Variants in SMOC1 observed in about 807,000 individuals in gnomAD.
SMOC1 encodes the protein SPARC related modular calcium binding 1, also known as SPARC-related modular calcium-binding protein 1.
In SMOC1, 22 loss-of-function variants were observed where a neutral mutation model predicts 56.3. The observed-to-expected ratio is 0.39, with a 90% CI of 0.28 to 0.56. The LOEUF is 0.56. SMOC1 is among the 20% of genes least tolerant of loss of function. The probability of loss-of-function intolerance (pLI) is 0.61; values close to 1 mark genes in which losing one functional copy is unlikely to be tolerated. For synonymous variants in SMOC1, 193 were observed against 215.0 expected, an observed-to-expected ratio of 0.90 and a Z score of 0.89; for missense variants, 509 against 565.4, an observed-to-expected ratio of 0.90 and a Z score of 1.01.
intron 1 of SMOC1, among the ~76,000 whole-genome samples, chr14:69,916,680 T>C (rs542895833): frequency 1.3e-5 from 2 of 152,356 alleles, no homozygotes; most frequent in East Asian, 3.9e-4. Context: ...ACTGCATGGC[T>C]CACTTGTTTA....
Position 69,949,673 on chromosome 14 carries a change from T to G in SMOC1, c.100-2465T>G, listed in dbSNP as rs114335690. Reference sequence around the variant, plus strand: ...GGGAATGGAGAAGGAACAGCGTGCCTGAAGGCCTGGAAGTAGCAGCAGAGG... The same window carrying G: ...GGGAATGGAGAAGGAACAGCGTGCCGGAAGGCCTGGAAGTAGCAGCAGAGG... On this transcript the variant is annotated intron_variant, in intron 1 of 11. Transcript: ENST00000361956. 6.8e-3 allele frequency among the ~76,000 whole-genome samples: 1,032 copies of G among 152,276 alleles called. 18 individuals are homozygous for G. The highest frequency in any genetic ancestry group is 0.023 in the African/African-American group (956 of 41,548).
intron 1 of SMOC1, among the ~76,000 whole-genome samples, chr14:69,928,315 A>G (rs1885070914): frequency 6.6e-6 from 1 of 152,132 alleles, no homozygotes; most frequent in Admixed American, 6.5e-5. Context: ...ATTTATTTCG[A>G]GATTTTCCTT....
chr14:69,967,613 A>G (rs1883619396), intron 3 of SMOC1, among the ~76,000 whole-genome samples: 1 of 152,230 alleles, frequency 6.6e-6, no homozygotes, highest in Non-Finnish European at 1.5e-5. Context: ...AAAGGATAAA[A>G]TCAGCATGTG....
chr14:69,922,440 T>A lies in SMOC1; in HGVS notation c.100-29698T>A, dbSNP rs754768403. On this transcript the variant is annotated intron_variant, in intron 1 of 11. Transcript: ENST00000361956. ...GGCCCAAGGCTAGCTGAACTCTTTC[T>A]GCTACAAGAACTGGCTTTCCTGGGG... is the stretch of plus-strand genomic sequence containing the variant. Among the ~76,000 whole-genome samples, 17 of 152,330 alleles carry A rather than the reference T, an allele frequency of 1.1e-4. No homozygotes were observed. The South Asian group carries it at 2.9e-3, about 26-fold the overall frequency.
Position 69,954,002 on chromosome 14 carries a change from G to GGAGTGTGTGAGTGTGT in SMOC1, c.378+472_378+487dup, listed in dbSNP as rs5809450. ...GAGCACAAAGTGTACTATGGTTCTT[G>GGAGTGTGTGAGTGTGT]GAGTGTGTGAGTGTGTGTGTGTGTA... On this transcript the variant is annotated intron_variant, in intron 3 of 11. Transcript: ENST00000361956. 1.1e-4 allele frequency among the ~76,000 whole-genome samples: 16 copies of GGAGTGTGTGAGTGTGT among 150,944 alleles called. No homozygotes were observed. The South Asian group carries it at 3.4e-3, about 32-fold the overall frequency.
chr14:69,906,781 A>G (rs1341372128), intron 1 of SMOC1, among the ~76,000 whole-genome samples: 1 of 152,194 alleles, frequency 6.6e-6, no homozygotes, highest in Non-Finnish European at 1.5e-5. Flanking sequence ...GCCATTAGTG[A>G]CTTCAATAGG....
At chr14:70,001,032 C>T (rs1372878805) in intron 7 of SMOC1, among the ~76,000 whole-genome samples, 1 of 152,088 alleles carries the variant, frequency 6.6e-6, no homozygotes, top group East Asian at 1.9e-4. Flanking sequence ...GTATGAGGTA[C>T]GAGGGAGAAC....
At chr14:69,908,048 G>T (rs1406233439) in intron 1 of SMOC1, among the ~76,000 whole-genome samples, 2 of 152,174 alleles carry the variant, frequency 1.3e-5, no homozygotes, top group African/African-American at 4.8e-5. Flanking sequence ...ACAGCAATAG[G>T]TGAATCAACT....
intron 1 of SMOC1, among the ~76,000 whole-genome samples, chr14:69,921,741 C>G (rs1167476421): frequency 6.6e-6 from 1 of 152,214 alleles, no homozygotes; most frequent in East Asian, 1.9e-4. Flanking sequence ...TTCACTGCAT[C>G]GTTCAGCTGG....
intron 10 of SMOC1, among the ~76,000 whole-genome samples, chr14:70,019,269 C>A (rs1419579408): frequency 6.6e-6 from 1 of 152,218 alleles, no homozygotes; most frequent in Non-Finnish European, 1.5e-5. Context: ...AGAGGTAGGG[C>A]AGACACCAAC....
At chr14:69,914,953 G>A (rs61980628) in intron 1 of SMOC1, among the ~76,000 whole-genome samples, 13,541 of 151,880 alleles carry the variant, frequency 0.089, 680 homozygotes, top group Non-Finnish European at 0.12. Flanking sequence ...TGCAACCTCC[G>A]CCTCCTGGGT....
intron 1 of SMOC1, among the ~76,000 whole-genome samples, chr14:69,910,673 T>C (rs965434747): frequency 6.6e-6 from 1 of 152,012 alleles, no homozygotes. Context: ...TAAACTGGGC[T>C]CAGCAGCTGC....
intron 3 of SMOC1, among the ~76,000 whole-genome samples, chr14:69,958,657 G>A (rs749873724): frequency 2.3e-4 from 35 of 152,260 alleles, no homozygotes; most frequent in Non-Finnish European, 4.0e-4. Context: ...GTCTTCAATC[G>A]TGTCCACATT....
At chr14:69,925,339 C>T (rs1257689143) in intron 1 of SMOC1, among the ~76,000 whole-genome samples, 2 of 151,660 alleles carry the variant, frequency 1.3e-5, no homozygotes, top group African/African-American at 4.9e-5. Flanking sequence ...CATCTTTTTT[C>T]CTTTAGTAGA....
chr14:69,975,866 G>A, intron 4 of SMOC1, 52 bp downstream of exon 4: 1 of 1,356,990 alleles, frequency 7.4e-7, no homozygotes, highest in Non-Finnish European at 1.0e-6. Flanking sequence ...GAGACCCGTT[G>A]GTTGGTCTCC....
chr14:69,891,562 C>T (rs116004036), intron 1 of SMOC1, among the ~76,000 whole-genome samples: 2,039 of 152,198 alleles, frequency 0.013, 34 homozygotes, highest in African/African-American at 0.047. Context: ...CCTCCCTACC[C>T]CCTGAACTGC....
intron 3 of SMOC1, among the ~76,000 whole-genome samples, chr14:69,973,607 AG>A (rs1456185499): frequency 3.3e-5 from 5 of 152,342 alleles, no homozygotes; most frequent in Admixed American, 2.6e-4. Flanking sequence ...AGACCCGAGC[AG>A]GGTCTCAGAT....
chr14:69,930,786 G>T (rs1380602917), intron 1 of SMOC1, among the ~76,000 whole-genome samples: 2 of 152,206 alleles, frequency 1.3e-5, no homozygotes, highest in Non-Finnish European at 2.9e-5. Flanking sequence ...TGCAGCTCTT[G>T]GCCTGGAGCT....
Position 70,031,081 on chromosome 14 carries a change from A to G in SMOC1, c.*823A>G, listed in dbSNP as rs1886134882. 1 of 152,186 alleles carries G rather than the reference A, an allele frequency of 6.6e-6. No homozygotes were observed. Among genetic ancestry groups the G allele is most frequent in the Non-Finnish European group, 1.5e-5 (1 of 68,040 alleles). The allele number at this position is 152,186 out of a possible 1,614,324, so 9.4% of individuals were successfully genotyped here. On this transcript the variant is annotated 3_prime_UTR_variant, in exon 12 of 12. Transcript: ENST00000361956. ...ATCTTAGTGACCCTCGGAGCAAATTATCCACAAAGGATTTGCATTACGTCA... is the reference window on the plus strand; with the variant it reads ...ATCTTAGTGACCCTCGGAGCAAATTGTCCACAAAGGATTTGCATTACGTCA...
Sources: allele counts gnomAD v4.1 joint callset (sites outside exome capture counted in the v4.1 genomes callset), GRCh38; gene constraint gnomAD v4.1.1; transcripts MANE v1.5; gene names NCBI Gene and HGNC (gene_info 2026-07-23, HGNC 2026-07-21).